The following GLTPD2 variants were observed in gnomAD, a reference collection of about 807,000 sequenced individuals.
The protein encoded by GLTPD2 is glycolipid transfer protein domain containing 2, also known as glycolipid transfer protein domain-containing protein 2.
A neutral mutation model predicts 12.9 loss-of-function variants in GLTPD2; 12 were observed. The observed-to-expected ratio is 0.93, with a 90% CI of 0.59 to 1.50. The LOEUF is 1.50. Among genes scored for constraint, GLTPD2 ranks in the 40% most tolerant of loss-of-function variants. The probability of loss-of-function intolerance (pLI) is 0.00; values close to 1 mark genes in which losing one functional copy is unlikely to be tolerated. For missense variants in GLTPD2, 450 were observed against 426.2 expected (o/e 1.06, Z -0.49); for synonymous variants, 199 against 205.6 (o/e 0.97, Z 0.27).
rs2150654495 is a variant in GLTPD2, at chr17:4,789,121, A to G, written c.106+4A>G. 1.9e-6 allele frequency: 3 copies of G among 1,613,556 alleles called. No individual in the cohort carries two copies. The highest frequency in any genetic ancestry group is 2.5e-6 in the Non-Finnish European group (3 of 1,179,736). ...TATCTCAGTGTTCGGAGCCTAGGTG[A>G]GCTGCCCCTTCCCTCACTTGCTCCG... On this transcript the variant is annotated splice_donor_region_variant and intron_variant, in intron 1 of 3. Coordinates refer to ENST00000331264, the MANE Select transcript of GLTPD2 (RefSeq NM_001014985.3).
rs2150654376 is a variant in GLTPD2 at position 4,789,018 on chromosome 17, G to A, written c.7G>A (p.Val3Met). 6.2e-7 allele frequency: 1 copy of A among 1,611,374 alleles called. No individual in the cohort carries two copies. The highest frequency in any genetic ancestry group is 2.2e-5 in the East Asian group (1 of 44,858). Residue 3 changes from valine to methionine, a missense_variant, in exon 1 of 4, where the codon GTG (valine) becomes ATG (methionine). Physicochemically the swap from Val to Met is conservative, Grantham distance 21. Transcript: ENST00000331264. The part of the protein sequence containing the change: MG[V>M]AARPPALRHW... ...GGCGGTCCCAGCAGCAGGCATGGGA[G>A]TGGCGGCGCGGCCCCCAGCCCTGCG...
In GLTPD2 at chr17:4,790,477, T is replaced by C. The variant is rs1047854726; in HGVS notation, c.*181T>C. On this transcript the variant is annotated 3_prime_UTR_variant, in exon 4 of 4. Transcript: ENST00000331264. ...CGTTGAGCTCCCTCTGTCCGCAGTC[T>C]CGGAAAGACGGGAGGAGCTGTGAGG... is the stretch of plus-strand genomic sequence containing the variant. 1.3e-5 allele frequency: 6 copies of C among 450,116 alleles called. No homozygotes were observed. The highest frequency in any genetic ancestry group is 9.0e-5 in the Admixed American group (2 of 22,196). The allele number at this position is 450,116 out of a possible 1,614,324, so 27.9% of individuals were successfully genotyped here. A position where few individuals can be genotyped will look rare whatever the true frequency, so the allele number is the denominator to read the frequency against.
chr17:4,789,298 A>AG lies in GLTPD2; in HGVS notation c.171+10dup. On this transcript the variant is annotated intron_variant, in intron 2 of 3. Transcript: ENST00000331264. The stretch of plus-strand genomic sequence containing the variant: ...GAAACGGCGCCCTTCCAGGTACGCT[A>AG]GGCGCAGGATTGGGCGCGGGCGCTC... 1 of 1,581,516 alleles carries AG rather than the reference A, an allele frequency of 6.3e-7. No homozygotes were observed. The highest frequency in any genetic ancestry group is 8.6e-7 in the Non-Finnish European group (1 of 1,164,006).
In GLTPD2 at chr17:4,789,820, A is replaced by G; in HGVS notation, c.400A>G (p.Thr134Ala). The change falls in exon 4 of 4, where the codon ACA becomes GCA. Residue 134 changes from threonine (T) to alanine (A), a missense_variant. Physicochemically the swap from Thr to Ala is moderately conservative, Grantham distance 58. Coordinates refer to ENST00000331264, the MANE Select transcript of GLTPD2 (RefSeq NM_001014985.3). ...CACTAGGGAGGCCTTCACCAAGGTG[A>G]CAGACCTGGAGGCTCGGGTGCACGG... ...FATREAFTKV[T>A]DLEARVHGPD... The G allele has an allele frequency of 6.2e-7, 1 of 1,611,292 alleles. No individual in the cohort carries two copies. Among genetic ancestry groups the G allele is most frequent in the Non-Finnish European group, 8.5e-7 (1 of 1,178,902 alleles).
rs1567711823 is a variant in GLTPD2 at position 4,788,976 on chromosome 17, G to C, written c.-36G>C. 1 of 1,594,148 alleles carries C rather than the reference G, an allele frequency of 6.3e-7. No homozygotes were observed. The highest frequency in any genetic ancestry group is 8.5e-7 in the Non-Finnish European group (1 of 1,173,042). On this transcript the variant is annotated 5_prime_UTR_variant, in exon 1 of 4. Coordinates refer to ENST00000331264, the MANE Select transcript of GLTPD2 (RefSeq NM_001014985.3). ...GAGGCGGAGGGACACGGACTGGCTA[G>C]GCGCTGGTGAGGGGGCGGCGGTCCC...
chr17:4,789,431 G>A, intron 2 of GLTPD2, 80 bp from the exon 3 acceptor site: 2 of 1,540,174 alleles, frequency 1.3e-6, no homozygotes, highest in Non-Finnish European at 1.8e-6. Context: ...CACAGCAGAA[G>A]AGCCGCCAGC....
At position 4,789,638 on chromosome 17, in the gene GLTPD2, G is replaced by A; in HGVS notation, c.299G>A (p.Gly100Glu). ...HASLKPEGDV[G>E]LSPYLAGWRA... is the part of the protein sequence containing the mutation. Reference sequence around the variant, plus strand: ...AGTCTGAAACCCGAAGGGGATGTGGGGCTGTCGCCGTACCTGGCGGGATGG... The same window carrying A: ...AGTCTGAAACCCGAAGGGGATGTGGAGCTGTCGCCGTACCTGGCGGGATGG... The change falls in exon 3 of 4, where the codon GGG (glycine) becomes GAG (glutamate). Residue 100 changes from glycine to glutamate, a missense_variant. Gly to Glu is a moderately conservative substitution (Grantham distance 98). Transcript: ENST00000331264. 1 of 1,613,782 alleles carries A rather than the reference G, an allele frequency of 6.2e-7. No homozygotes were observed. The highest frequency in any genetic ancestry group is 1.1e-5 in the South Asian group (1 of 91,082).
chr17:4,789,990 G>C lies in GLTPD2; in HGVS notation c.570G>C (p.Leu190=), dbSNP rs1272221119. 1.7e-5 allele frequency: 26 copies of C among 1,512,668 alleles called. No individual in the cohort carries two copies. In the South Asian group the frequency reaches 2.0e-4, roughly 11 times the overall value. 93.7% of individuals were successfully genotyped at this position (1,512,668 alleles called of 1,614,324 possible). ...CGCTGCTCCTGCTGCACCGCGCGCT[G>C]CGCTGGTCCCAGCTCTGCCTCCACC... The part of the protein sequence containing the change: ...SRTLLLLHRA[L]RWSQLCLHRV... The change falls in exon 4 of 4, where the codon CTG becomes CTC. Residue 190 remains leucine (L), a synonymous_variant. Transcript: ENST00000331264.
In GLTPD2 at chr17:4,789,678, G is replaced by GT; in HGVS notation, c.338+2dup. 6.2e-7 allele frequency: 1 copy of GT among 1,610,086 alleles called. No homozygotes were observed. The highest frequency in any genetic ancestry group is 1.1e-5 in the South Asian group (1 of 90,762). On this transcript the variant is annotated splice_donor_variant, in intron 3 of 3. Coordinates refer to ENST00000331264, the MANE Select transcript of GLTPD2 (RefSeq NM_001014985.3). LOFTEE classifies it high-confidence loss of function. ...TGGCGGGATGGAGGGCACTCGTCGAGTGAGTGGCCTCCCGCCCCCCAGCCG... is the reference window on the plus strand; with the variant it reads ...TGGCGGGATGGAGGGCACTCGTCGAGTTGAGTGGCCTCCCGCCCCCCAGCCG...
chr17:4,789,379 G>A (rs1326151251), intron 2 of GLTPD2, 89 bp downstream of exon 2: 5 of 1,511,542 alleles, frequency 3.3e-6, no homozygotes, highest in South Asian at 1.2e-5. Flanking sequence ...GGCAAAGGGC[G>A]GGTCCTCCCC....
Position 4,790,146 on chromosome 17 carries a change from G to T in GLTPD2, c.726G>T (p.Pro242=). ...CCCGCCTCGCCTTCCTCGCCTTCCC[G>T]GGTCGCCGCCGCCTGCTGGAGCTGG... ...QTARLAFLAF[P]GRRRLLELAC... Residue 242 remains proline (P), a synonymous_variant, in exon 4 of 4, where the codon CCG becomes CCT. Coordinates refer to ENST00000331264, the MANE Select transcript of GLTPD2 (RefSeq NM_001014985.3). The T allele has an allele frequency of 6.8e-7, 1 of 1,465,766 alleles. No individual in the cohort carries two copies. The highest frequency in any genetic ancestry group is 2.9e-5 in the East Asian group (1 of 34,172). The allele number at this position is 1,465,766 out of a possible 1,614,324, so 90.8% of individuals were successfully genotyped here.
rs369181580 is a variant in GLTPD2 at position 4,789,644 on chromosome 17, C to T, written c.305C>T (p.Ser102Leu). 8.1e-6 allele frequency: 13 copies of T among 1,613,558 alleles called. No individual in the cohort carries two copies. Among genetic ancestry groups the T allele is most frequent in the Non-Finnish European group, 1.0e-5 (12 of 1,179,970 alleles). The part of the protein sequence containing the change: ...SLKPEGDVGL[S>L]PYLAGWRALV... ...AAACCCGAAGGGGATGTGGGGCTGT[C>T]GCCGTACCTGGCGGGATGGAGGGCA... The change falls in exon 3 of 4, where the codon TCG becomes TTG. Residue 102 changes from serine to leucine, a missense_variant. Coordinates refer to ENST00000331264, the MANE Select transcript of GLTPD2 (RefSeq NM_001014985.3).
chr17:4,790,382 C>T lies in GLTPD2; in HGVS notation c.*86C>T. 3.6e-6 allele frequency: 4 copies of T among 1,125,022 alleles called. No homozygotes were observed. The highest frequency in any genetic ancestry group is 4.6e-6 in the Non-Finnish European group (4 of 872,102). 69.7% of individuals were successfully genotyped at this position (1,125,022 alleles called of 1,614,324 possible). A position where few individuals can be genotyped will look rare whatever the true frequency, so the allele number is the denominator to read the frequency against. On this transcript the variant is annotated 3_prime_UTR_variant, in exon 4 of 4. Coordinates refer to ENST00000331264, the MANE Select transcript of GLTPD2 (RefSeq NM_001014985.3). The stretch of plus-strand genomic sequence containing the variant: ...CCGGGGTCAGTCCTGCAGCCCGCGC[C>T]GCGGCCGCCTCCGTATCCCGCCTCT...
chr17:4,789,589 C>G lies in GLTPD2; in HGVS notation c.250C>G (p.Arg84Gly). 1 of 1,614,068 alleles carries G rather than the reference C, an allele frequency of 6.2e-7. No individual in the cohort carries two copies. The highest frequency in any genetic ancestry group is 8.5e-7 in the Non-Finnish European group (1 of 1,179,986). The change falls in exon 3 of 4, where the codon CGC (arginine) becomes GGC (glycine). Residue 84 changes from arginine (R) to glycine (G), a missense_variant. By Grantham distance (125) the Arg-to-Gly change is moderately radical (BLOSUM62 -2). Transcript: ENST00000331264. ...TCTGGGCCCTCGGGGGATGCTGGGC[C>G]GCATGATGAGGCGGTTCCACGCCAG... Reference protein sequence around the residue: ...PCLGPRGMLGRMMRRFHASLK... With the variant: ...PCLGPRGMLGGMMRRFHASLK...
Position 4,789,068 on chromosome 17 carries a change from T to C in GLTPD2, c.57T>C (p.Pro19=), listed in dbSNP as rs1317594363. 4 of 1,613,786 alleles carry C rather than the reference T, an allele frequency of 2.5e-6. No homozygotes were observed. The highest frequency in any genetic ancestry group is 3.4e-6 in the Non-Finnish European group (4 of 1,179,896). ...ALRHWFSHSI[P]LAIFALLLLY... is the part of the protein sequence containing the mutation. ...GGCACTGGTTCAGCCACTCAATTCC[T>C]CTCGCTATCTTCGCGCTGCTGCTGC... Residue 19 remains proline, a synonymous_variant, in exon 1 of 4, where the codon CCT becomes CCC. Transcript: ENST00000331264.
At position 4,790,249 on chromosome 17, in the gene GLTPD2, C is replaced by A. The variant is rs764041659; in HGVS notation, c.829C>A (p.Arg277Ser). Residue 277 changes from arginine to serine, a missense_variant, in exon 4 of 4, where the codon CGC (arginine) becomes AGC (serine). Arg to Ser is a moderately radical substitution (Grantham distance 110, BLOSUM62 -1). Transcript: ENST00000331264. The part of the protein sequence containing the change: ...AAGTLEDVYN[R>S]TQSLLAERGL... ...CGGCACCTTGGAGGATGTCTACAACCGCACCCAGAGCCTGCTGGCCGAGCG... is the reference window on the plus strand; with the variant it reads ...CGGCACCTTGGAGGATGTCTACAACAGCACCCAGAGCCTGCTGGCCGAGCG... 4.7e-5 allele frequency: 70 copies of A among 1,484,474 alleles called. No individual in the cohort carries two copies. The South Asian group carries it at 8.2e-4, about 17-fold the overall frequency. 92.0% of individuals were successfully genotyped at this position (1,484,474 alleles called of 1,614,324 possible). A position where few individuals can be genotyped will look rare whatever the true frequency, so the allele number is the denominator to read the frequency against.
rs1193063614 is a variant in GLTPD2, at chr17:4,790,423, C to A, written c.*127C>A. The A allele has an allele frequency of 4.4e-6, 3 of 685,094 alleles. No homozygotes were observed. Among genetic ancestry groups the A allele is most frequent in the Admixed American group, 4.4e-5 (1 of 22,632 alleles). The allele number at this position is 685,094 out of a possible 1,614,324, so 42.4% of individuals were successfully genotyped here. ...TCCCGCCTCTTCCGTGACGTCGCCG[C>A]GGCGAGGGCCGCCCCCGGCAGGGAA... On this transcript the variant is annotated 3_prime_UTR_variant, in exon 4 of 4. Coordinates refer to ENST00000331264, the MANE Select transcript of GLTPD2 (RefSeq NM_001014985.3).
Position 4,789,961 on chromosome 17 carries a change from C to T in GLTPD2, c.541C>T (p.Arg181Cys). 6.5e-7 allele frequency: 1 copy of T among 1,535,602 alleles called. No individual in the cohort carries two copies. Among genetic ancestry groups the T allele is most frequent in the Non-Finnish European group, 8.7e-7 (1 of 1,143,944 alleles). ...PRDPTRSSGS[R>C]TLLLLHRALR... ...GGACCCGACCCGGAGCTCGGGCTCT[C>T]GCACGCTGCTCCTGCTGCACCGCGC... Residue 181 changes from arginine (R) to cysteine (C), a missense_variant, in exon 4 of 4, where the codon CGC becomes TGC. Transcript: ENST00000331264.
rs1379142737 is a variant in GLTPD2, at chr17:4,789,959, C to G, written c.539C>G (p.Ser180Cys). 6.5e-7 allele frequency: 1 copy of G among 1,535,870 alleles called. No individual in the cohort carries two copies. Among genetic ancestry groups the G allele is most frequent in the African/African-American group, 1.4e-5 (1 of 72,514 alleles). Residue 180 changes from serine (S) to cysteine (C), a missense_variant, in exon 4 of 4, where the codon TCT becomes TGT. Physicochemically the swap from Ser to Cys is moderately radical, Grantham distance 112. Coordinates refer to ENST00000331264, the MANE Select transcript of GLTPD2 (RefSeq NM_001014985.3). ...APRDPTRSSG[S>C]RTLLLLHRAL... ...CGGGACCCGACCCGGAGCTCGGGCT[C>G]TCGCACGCTGCTCCTGCTGCACCGC...
Sources: allele counts gnomAD v4.1 joint callset, GRCh38; gene constraint gnomAD v4.1.1; transcripts MANE v1.5; gene names NCBI Gene and HGNC (gene_info 2026-07-23, HGNC 2026-07-21).